The following RAPGEF5 variants were observed in gnomAD, a reference collection of about 807,000 sequenced individuals.
The protein encoded by RAPGEF5 is M-Ras-regulated GEF.
RAPGEF5 carries 65 observed loss-of-function variants against 125.2 expected under a neutral mutation model. That is an observed-to-expected ratio of 0.52 (90% CI 0.43 to 0.64). The LOEUF is 0.64. Ranked by LOEUF, RAPGEF5 falls within the 30% of genes least tolerant of loss-of-function variation. RAPGEF5 has a pLI of 0.00. For missense variants in RAPGEF5, 958 were observed against 1,048.1 expected, an observed-to-expected ratio of 0.91 and a Z score of 1.19; for synonymous variants, 391 against 385.9, an observed-to-expected ratio of 1.01 and a Z score of -0.16.
intron 1 of RAPGEF5, among the ~76,000 whole-genome samples, chr7:22,325,512 T>C (rs529113666): frequency 7.0e-4 from 107 of 152,272 alleles, no homozygotes; most frequent in Admixed American, 1.2e-3. Context: ...AGAGTGTGCA[T>C]ACAGAGCTAG....
At chr7:22,241,923 A>G (rs1038141858) in intron 7 of RAPGEF5, among the ~76,000 whole-genome samples, 3 of 152,026 alleles carry the variant, frequency 2.0e-5, no homozygotes, top group Non-Finnish European at 4.4e-5. Flanking sequence ...TCATGAACCA[A>G]CTCTTTAAGT....
rs1356810361 is a variant in RAPGEF5, at chr7:22,232,314, C to T, written c.797-1395G>A. On this transcript the variant is annotated intron_variant, in intron 7 of 25. Coordinates refer to ENST00000665637, the MANE Select transcript of RAPGEF5 (RefSeq NM_012294.5). ...GATTCAGTTTACATTATTCTGTGTG[C>T]TTTTTTTTTTTTTTTTTGAGATGAA... is the stretch of plus-strand genomic sequence containing the variant. Among the ~76,000 whole-genome samples, 4 of 139,316 alleles carry T rather than the reference C, an allele frequency of 2.9e-5. No individual in the cohort carries two copies. In the East Asian group the frequency reaches 6.4e-4, roughly 22 times the overall value. 91.4% of individuals were successfully genotyped at this position (139,316 alleles called of 152,430 possible).
intron 7 of RAPGEF5, among the ~76,000 whole-genome samples, chr7:22,231,876 C>G (rs563869186): frequency 6.6e-6 from 1 of 152,134 alleles, no homozygotes; most frequent in African/African-American, 2.4e-5. Context: ...CGGGGAACCA[C>G]GAAAGAATTT....
At chr7:22,171,789 G>C (rs1375549080) in intron 11 of RAPGEF5, among the ~76,000 whole-genome samples, 1 of 152,050 alleles carries the variant, frequency 6.6e-6, no homozygotes, top group Non-Finnish European at 1.5e-5. Context: ...CATGAGCCAC[G>C]TTGCCAGCCA....
rs115006677 is a variant in RAPGEF5, at chr7:22,209,444, A to G, written c.996+10422T>C. On this transcript the variant is annotated intron_variant, in intron 9 of 25. Transcript: ENST00000665637. Reference sequence around the variant, plus strand: ...TTCGTATCCTACAGTTTTTACTTACATATCTTCTAAAATTCTACTCATACA... The same window carrying G: ...TTCGTATCCTACAGTTTTTACTTACGTATCTTCTAAAATTCTACTCATACA... Among the ~76,000 whole-genome samples, 797 of 152,278 alleles carry G rather than the reference A, an allele frequency of 5.2e-3. 11 individuals are homozygous for G. Among genetic ancestry groups the G allele is most frequent in the African/African-American group, 0.018 (762 of 41,554 alleles).
intron 9 of RAPGEF5, among the ~76,000 whole-genome samples, chr7:22,197,900 G>GGGGT (rs1554327466): frequency 2.1e-5 from 3 of 145,134 alleles, no homozygotes; most frequent in African/African-American, 5.1e-5. Flanking sequence ...TTTTGGGGGG[G>GGGGT]GGTGGTAGGA....
chr7:22,174,504 C>T (rs1362191364), intron 11 of RAPGEF5, among the ~76,000 whole-genome samples: 1 of 152,198 alleles, frequency 6.6e-6, no homozygotes, highest in East Asian at 1.9e-4. Flanking sequence ...CAGTTCATCA[C>T]CCTTCTGCTC....
intron 9 of RAPGEF5, among the ~76,000 whole-genome samples, chr7:22,200,998 T>G (rs1583476885): frequency 6.6e-6 from 1 of 152,212 alleles, no homozygotes; most frequent in Non-Finnish European, 1.5e-5. Context: ...GTTGTGAAAG[T>G]GTTTAATGAA....
intron 8 of RAPGEF5, among the ~76,000 whole-genome samples, chr7:22,221,253 T>G (rs956800222): frequency 3.9e-5 from 6 of 152,190 alleles, no homozygotes; most frequent in African/African-American, 1.4e-4. Context: ...AAGTTTATCT[T>G]AAGACAGTCT....
At chr7:22,253,561 A>T (rs1448929751) in intron 7 of RAPGEF5, among the ~76,000 whole-genome samples, 1 of 152,240 alleles carries the variant, frequency 6.6e-6, no homozygotes, top group East Asian at 1.9e-4. Flanking sequence ...GACTCCTCTT[A>T]TAACGTAGCA....
At chr7:22,317,213 G>C (rs1044994263) in intron 2 of RAPGEF5, among the ~76,000 whole-genome samples, 3 of 148,702 alleles carry the variant, frequency 2.0e-5, no homozygotes, top group Non-Finnish European at 3.0e-5. Flanking sequence ...ACAGTCTCCT[G>C]TTAGCCTAAA....
At chr7:22,193,046 CATTGAACATGGGCT>C in intron 11 of RAPGEF5, 1 of 391,188 alleles carries the variant, frequency 2.6e-6, no homozygotes, top group South Asian at 4.6e-5. Flanking sequence ...TATTTCTTTC[CATTGAACATGGGCT>C]ATTGAATGTT....
chr7:22,125,769 GAGA>G (rs928114117), intron 24 of RAPGEF5, 111 bp from the exon 25 acceptor site: 1 of 981,744 alleles, frequency 1.0e-6, no homozygotes, highest in South Asian at 1.4e-5. Context: ...CTGTAATAAA[GAGA>G]AGAACTGTAT....
intron 1 of RAPGEF5, among the ~76,000 whole-genome samples, chr7:22,340,619 GT>G (rs1271280624): frequency 6.6e-6 from 1 of 152,194 alleles, no homozygotes; most frequent in Non-Finnish European, 1.5e-5. Context: ...GTATGTCTGG[GT>G]CCCCCAGCCC....
chr7:22,164,271 C>T (rs1784093808), intron 12 of RAPGEF5, among the ~76,000 whole-genome samples: 1 of 152,124 alleles, frequency 6.6e-6, no homozygotes, highest in African/African-American at 2.4e-5. Flanking sequence ...GTTGAGGTTG[C>T]AGCGAGCCAT....
chr7:22,227,184 A>C (rs759145447), intron 8 of RAPGEF5, among the ~76,000 whole-genome samples: 17 of 152,084 alleles, frequency 1.1e-4, no homozygotes, highest in East Asian at 1.9e-4. Flanking sequence ...ACTTGTATAC[A>C]TTCTTGACCA....
chr7:22,159,738 T>C (rs1159143060), intron 14 of RAPGEF5, among the ~76,000 whole-genome samples: 1 of 152,022 alleles, frequency 6.6e-6, no homozygotes, highest in Non-Finnish European at 1.5e-5. Flanking sequence ...ATGCCAAGAG[T>C]CATTGAGTAA....
chr7:22,160,640 C>T (rs1315795630), intron 13 of RAPGEF5, 25 bp from the exon 14 acceptor site: 6 of 1,512,494 alleles, frequency 4.0e-6, no homozygotes, highest in Non-Finnish European at 5.3e-6. Context: ...CAAATGAGAG[C>T]TCAGTGGTTG....
At chr7:22,202,228 G>T (rs1356480781) in intron 9 of RAPGEF5, among the ~76,000 whole-genome samples, 1 of 152,178 alleles carries the variant, frequency 6.6e-6, no homozygotes, top group East Asian at 1.9e-4. Flanking sequence ...GCACTCTGAC[G>T]CAGAAATGGA....
Sources: allele counts gnomAD v4.1 joint callset (sites outside exome capture counted in the v4.1 genomes callset), GRCh38; gene constraint gnomAD v4.1.1; transcripts MANE v1.5; gene names NCBI Gene and HGNC (gene_info 2026-07-23, HGNC 2026-07-21).